DMD: variants seen among roughly 807,000 people sequenced by gnomAD.
The protein encoded by DMD is dystrophin.
In DMD, 63 loss-of-function variants were observed where a neutral mutation model predicts 330.1. The ratio of observed to expected loss-of-function variants is 0.19; its 90% CI spans 0.16 to 0.24. The LOEUF is 0.24. Ranked by LOEUF, DMD falls within the 10% of genes least tolerant of loss-of-function variation. The pLI is 1.00. For synonymous variants in DMD, 1,223 were observed against 959.8 expected, an observed-to-expected ratio of 1.27 and a Z score of -5.07; for missense variants, 3,344 against 2,684.1, an observed-to-expected ratio of 1.25 and a Z score of -5.43.
intron 1 of DMD, among the ~76,000 whole-genome samples, chrX:33,084,824 C>T (rs1037833350): frequency 2.7e-5 from 3 of 111,715 alleles, no homozygotes; most frequent in African/African-American, 6.5e-5. Context: ...TTTGTTTAAA[C>T]GATAAACTAT....
chrX:31,943,248 T>C (rs919891287), intron 45 of DMD, among the ~76,000 whole-genome samples: 1 of 112,277 alleles, frequency 8.9e-6, no homozygotes, highest in African/African-American at 3.2e-5. Flanking sequence ...CTTAGACATC[T>C]ACTAGGGAAT....
At chrX:31,825,227 G>A (rs1170067012) in intron 49 of DMD, among the ~76,000 whole-genome samples, 1 of 112,033 alleles carries the variant, frequency 8.9e-6, no homozygotes, top group African/African-American at 3.2e-5. Flanking sequence ...ACAGAAAGTA[G>A]CAATAGGAGA....
At chrX:31,530,898 T>TCCCAC (rs1485306561) in intron 55 of DMD, among the ~76,000 whole-genome samples, 4 of 68,734 alleles carry the variant, frequency 5.8e-5, no homozygotes, top group Non-Finnish European at 1.0e-4. Context: ...ATTGTTCAAT[T>TCCCAC]CCCACCTATG....
chrX:32,159,746 G>A (rs2096842469), intron 44 of DMD, among the ~76,000 whole-genome samples: 1 of 111,795 alleles, frequency 8.9e-6, no homozygotes, highest in Non-Finnish European at 1.9e-5. Flanking sequence ...TCAAAATGGG[G>A]AAAGAGCGAG....
chrX:32,570,513 CA>C (rs1332204747), intron 15 of DMD, among the ~76,000 whole-genome samples: 1 of 112,006 alleles, frequency 8.9e-6, no homozygotes. Context: ...TTTCTGCTCA[CA>C]AAAATGTTAA....
In DMD at chrX:31,603,393, A is replaced by C. The variant is rs186100750; in HGVS notation, c.8217+24280T>G. Among the ~76,000 whole-genome samples the C allele has an allele frequency of 8.9e-5, 10 of 112,059 alleles. No individual in the cohort carries two copies. The East Asian group carries it at 2.3e-3, about 25-fold the overall frequency. ...TGTATGTCTATCAAGCAAAAGAAAA[A>C]AAACAGATGATTAGAAAGTTGTCAA... On this transcript the variant is annotated intron_variant, in intron 55 of 78. Transcript: ENST00000357033.
chrX:31,426,039 G>T (rs904192243), intron 60 of DMD, among the ~76,000 whole-genome samples: 2 of 111,468 alleles, frequency 1.8e-5, no homozygotes, highest in African/African-American at 6.5e-5. Context: ...AGAAACGCTG[G>T]GAGCAGCCTG....
chrX:31,723,669 C>CACACACACACACA (rs1556847660), intron 52 of DMD, among the ~76,000 whole-genome samples: 1 of 107,142 alleles, frequency 9.3e-6, no homozygotes, highest in African/African-American at 3.5e-5. Flanking sequence ...CACACACACA[C>CACACACACACACA]TCCCATGCTG....
chrX:31,340,951 T>C (rs1283441067), intron 61 of DMD, among the ~76,000 whole-genome samples: 1 of 112,268 alleles, frequency 8.9e-6, no homozygotes, highest in Non-Finnish European at 1.9e-5. Flanking sequence ...TCGTTAGTTA[T>C]ACAAACAACT....
intron 63 of DMD, among the ~76,000 whole-genome samples, chrX:31,233,172 T>C (rs2047385101): frequency 8.9e-6 from 1 of 111,827 alleles, no homozygotes; most frequent in Non-Finnish European, 1.9e-5. Flanking sequence ...AACAATACTA[T>C]TCTCCTCCTT....
At chrX:32,466,393 C>A (rs935156451) in intron 23 of DMD, among the ~76,000 whole-genome samples, 7 of 111,399 alleles carry the variant, frequency 6.3e-5, no homozygotes, top group African/African-American at 2.3e-4. Context: ...TGTTGGATTT[C>A]CTTCCTGCCT....
chrX:32,738,856 T>C (rs2068868198), intron 7 of DMD, among the ~76,000 whole-genome samples: 1 of 111,514 alleles, frequency 9.0e-6, no homozygotes, highest in Non-Finnish European at 1.9e-5. Context: ...AAAGGAGAGG[T>C]GTGAAATTCA....
At chrX:32,965,018 G>A (rs2092087240) in intron 2 of DMD, among the ~76,000 whole-genome samples, 1 of 111,478 alleles carries the variant, frequency 9.0e-6, no homozygotes, top group Non-Finnish European at 1.9e-5. Context: ...ATATCATGTG[G>A]ATGTAATCAA....
intron 17 of DMD, among the ~76,000 whole-genome samples, chrX:32,531,489 A>G (rs2047474475): frequency 8.9e-6 from 1 of 112,149 alleles, no homozygotes; most frequent in African/African-American, 3.2e-5. Context: ...AATTTAAAGA[A>G]CAGAAAAGAG....
intron 44 of DMD, among the ~76,000 whole-genome samples, chrX:32,162,944 A>T (rs1569547913): frequency 9.0e-6 from 1 of 110,750 alleles, no homozygotes; most frequent in Non-Finnish European, 1.9e-5. Context: ...CTCCACACAG[A>T]TGACTCTCAA....
intron 55 of DMD, among the ~76,000 whole-genome samples, chrX:31,513,445 G>A (rs1172496459): frequency 9.1e-6 from 1 of 110,449 alleles, no homozygotes; most frequent in Non-Finnish European, 1.9e-5. Context: ...CTACACCTCA[G>A]ACTCAGGTAG....
chrX:33,089,286 G>A (rs1468593492), intron 1 of DMD, among the ~76,000 whole-genome samples: 1 of 110,292 alleles, frequency 9.1e-6, no homozygotes, highest in African/African-American at 3.3e-5. Context: ...GGATGGTCTC[G>A]ATCTCTTGAC....
chrX:32,900,080 T>C (rs2149294163), intron 2 of DMD, among the ~76,000 whole-genome samples: 1 of 112,483 alleles, frequency 8.9e-6, no homozygotes, highest in Non-Finnish European at 1.9e-5. Flanking sequence ...TCGGTATTCC[T>C]ATTTAACTTT....
chrX:33,217,105 T>C (rs750199553), intron 1 of DMD, among the ~76,000 whole-genome samples: 1 of 111,680 alleles, frequency 9.0e-6, no homozygotes, highest in South Asian at 3.8e-4. Flanking sequence ...TCATTATGGA[T>C]CATTTCTACT....
Sources: gnomAD v4.1 joint callset for allele counts (sites outside exome capture counted in the v4.1 genomes callset) on GRCh38, gnomAD v4.1.1 for gene constraint, MANE v1.5 for transcripts, NCBI Gene and HGNC (gene_info 2026-07-23, HGNC 2026-07-21) for gene names.